PARP8: variants seen among roughly 807,000 people sequenced by gnomAD.
PARP8 encodes the protein protein mono-ADP-ribosyltransferase PARP8.
A neutral mutation model predicts 124.1 loss-of-function variants in PARP8; 51 were observed. The ratio of observed to expected loss-of-function variants is 0.41; its 90% CI spans 0.33 to 0.52. PARP8 has a LOEUF of 0.52. PARP8 is among the 20% of genes least tolerant of loss of function. PARP8 has a pLI of 0.21. For missense variants in PARP8, 860 were observed against 1,018.9 expected (o/e 0.84, Z 2.12); for synonymous variants, 391 against 361.5 (o/e 1.08, Z -0.93).
chr5:50,841,462 C>T (rs1430552018), intron 25 of PARP8, among the ~76,000 whole-genome samples: 11 of 151,700 alleles, frequency 7.3e-5, no homozygotes, highest in African/African-American at 2.7e-4. Flanking sequence ...AATAGTGCGA[C>T]CAGTGATAAG....
At chr5:50,738,159 G>A (rs1456666251) in intron 2 of PARP8, among the ~76,000 whole-genome samples, 1 of 152,146 alleles carries the variant, frequency 6.6e-6, no homozygotes, top group Non-Finnish European at 1.5e-5. Flanking sequence ...CTTTCCAAAT[G>A]TAGCTTTACA....
At chr5:50,713,565 T>C (rs1012064784) in intron 2 of PARP8, among the ~76,000 whole-genome samples, 2 of 152,076 alleles carry the variant, frequency 1.3e-5, no homozygotes, top group Non-Finnish European at 2.9e-5. Flanking sequence ...GATAATCTCA[T>C]TTAATTTTTT....
Position 50,839,857 on chromosome 5 carries a change from G to A in PARP8, c.2463-2109G>A, listed in dbSNP as rs77635031. Among the ~76,000 whole-genome samples, 835 of 151,978 alleles carry A rather than the reference G, an allele frequency of 5.5e-3. 6 individuals carry two copies. Among genetic ancestry groups the A allele is most frequent in the African/African-American group, 0.019 (782 of 41,494 alleles). On this transcript the variant is annotated intron_variant, in intron 25 of 25. Transcript: ENST00000281631. ...TCAGGGTACATATAATATTTGGGTA[G>A]ACAAACCCTTCCATCTGACTGAAAA...
chr5:50,812,162 C>T (rs1338395695), intron 14 of PARP8, among the ~76,000 whole-genome samples: 5 of 152,144 alleles, frequency 3.3e-5, no homozygotes, highest in East Asian at 3.9e-4. Context: ...CTTGAGGAAT[C>T]GCCACACTGT....
intron 2 of PARP8, among the ~76,000 whole-genome samples, chr5:50,689,602 A>C (rs185138123): frequency 1.6e-4 from 25 of 152,334 alleles, no homozygotes; most frequent in Admixed American, 4.6e-4. Context: ...CACATTAGTC[A>C]TGTATACCTG....
chr5:50,762,599 T>A (rs1172282213), intron 6 of PARP8, among the ~76,000 whole-genome samples: 1 of 152,146 alleles, frequency 6.6e-6, no homozygotes, highest in Non-Finnish European at 1.5e-5. Flanking sequence ...AAGCCAAAAT[T>A]ATGTAAAAGA....
chr5:50,779,785 C>T (rs1193609436), intron 9 of PARP8, among the ~76,000 whole-genome samples: 1 of 152,162 alleles, frequency 6.6e-6, no homozygotes, highest in East Asian at 1.9e-4. Flanking sequence ...AGGGAATATA[C>T]ATCTACTGTT....
At chr5:50,753,163 A>T (rs1759448150) in intron 3 of PARP8, among the ~76,000 whole-genome samples, 1 of 152,030 alleles carries the variant, frequency 6.6e-6, no homozygotes, top group African/African-American at 2.4e-5. Context: ...ATTACACAAT[A>T]GTTGTGTATA....
rs138393447 is a variant in PARP8, at chr5:50,677,559, G to T, written c.146+9434G>T. On this transcript the variant is annotated intron_variant, in intron 2 of 25. Coordinates refer to ENST00000281631, the MANE Select transcript of PARP8 (RefSeq NM_024615.4). ...AGTTTCAGTTAGGTGATTTCAATGA[G>T]AATTGTATTTGGCTCAGAAATGATG... 2.0e-3 allele frequency among the ~76,000 whole-genome samples: 297 copies of T among 152,260 alleles called. 3 individuals are homozygous for T. Among genetic ancestry groups the T allele is most frequent in the African/African-American group, 6.8e-3 (281 of 41,558 alleles).
chr5:50,714,755 C>T (rs146539883), intron 2 of PARP8, among the ~76,000 whole-genome samples: 119 of 152,198 alleles, frequency 7.8e-4, no homozygotes, highest in Middle Eastern at 3.4e-3. Context: ...CTATGTGCAG[C>T]CTTCCAAGCA....
intron 2 of PARP8, among the ~76,000 whole-genome samples, chr5:50,718,747 T>A (rs1179311492): frequency 3.9e-5 from 6 of 152,080 alleles, no homozygotes; most frequent in Non-Finnish European, 7.4e-5. Flanking sequence ...TACTTCCATA[T>A]CTTGGCTATT....
intron 17 of PARP8, among the ~76,000 whole-genome samples, chr5:50,822,802 A>G (rs1026875379): frequency 6.6e-6 from 1 of 152,238 alleles, no homozygotes; most frequent in East Asian, 1.9e-4. Flanking sequence ...AATATTTTAT[A>G]TAATGCAAAA....
chr5:50,778,538 T>C (rs777420714), intron 8 of PARP8, 22 bp from the exon 9 acceptor site: 1 of 1,544,214 alleles, frequency 6.5e-7, no homozygotes, highest in East Asian at 2.3e-5. Flanking sequence ...GATTAATTCA[T>C]CTTTTAAATA....
At chr5:50,705,292 G>A (rs1754017921) in intron 2 of PARP8, among the ~76,000 whole-genome samples, 1 of 152,130 alleles carries the variant, frequency 6.6e-6, no homozygotes, top group African/African-American at 2.4e-5. Flanking sequence ...AAGAAAAGAG[G>A]TGAGCCAGGT....
chr5:50,761,899 G>A lies in PARP8; in HGVS notation c.423+1G>A. Reference sequence around the variant, plus strand: ...CGAAGAATTTTATTACGGAGGGCAGGTAAGGAAACCTGGTCTTCCAAATAC... The same window carrying A: ...CGAAGAATTTTATTACGGAGGGCAGATAAGGAAACCTGGTCTTCCAAATAC... On this transcript the variant is annotated splice_donor_variant, in intron 6 of 25. Transcript: ENST00000281631. LOFTEE classifies it high-confidence loss of function. 1 of 1,578,678 alleles carries A rather than the reference G, an allele frequency of 6.3e-7. No homozygotes were observed. Among genetic ancestry groups the A allele is most frequent in the Admixed American group, 1.7e-5 (1 of 58,104 alleles).
chr5:50,724,706 G>C (rs1756237718), intron 2 of PARP8, among the ~76,000 whole-genome samples: 1 of 151,518 alleles, frequency 6.6e-6, no homozygotes, highest in South Asian at 2.1e-4. Context: ...CTTTTTATTG[G>C]TTTTTGTTTC....
chr5:50,721,530 A>C (rs973341808), intron 2 of PARP8, among the ~76,000 whole-genome samples: 4 of 151,930 alleles, frequency 2.6e-5, no homozygotes, highest in Non-Finnish European at 5.9e-5. Context: ...TTTTTTCTTA[A>C]TTCCAAAAGT....
intron 2 of PARP8, among the ~76,000 whole-genome samples, chr5:50,709,922 G>GTATATATATA (rs200521595): frequency 9.6e-5 from 9 of 93,926 alleles, no homozygotes; most frequent in African/African-American, 3.2e-4. Flanking sequence ...TAGAAAGAGT[G>GTATATATATA]TATATATATA....
At chr5:50,834,628 T>TATA (rs1193241174) in intron 24 of PARP8, among the ~76,000 whole-genome samples, 1 of 152,192 alleles carries the variant, frequency 6.6e-6, no homozygotes, top group Non-Finnish European at 1.5e-5. Context: ...ACGGTAGTTA[T>TATA]ATAGGACATG....
Sources: gnomAD v4.1 joint callset for allele counts (sites outside exome capture counted in the v4.1 genomes callset) on GRCh38, gnomAD v4.1.1 for gene constraint, MANE v1.5 for transcripts, NCBI Gene and HGNC (gene_info 2026-07-23, HGNC 2026-07-21) for gene names.